The following CARD8 variants were observed in gnomAD, a reference collection of about 807,000 sequenced individuals.
CARD8 encodes the protein caspase recruitment domain-containing protein 8.
A neutral mutation model predicts 53.2 loss-of-function variants in CARD8; 38 were observed. The ratio of observed to expected loss-of-function variants is 0.71; its 90% confidence interval spans 0.55 to 0.94. The LOEUF (loss-of-function observed/expected upper bound fraction) is 0.94, where lower values mean the gene tolerates loss of function less well. CARD8 is among the 40% of genes least tolerant of loss of function. CARD8 has a pLI of 0.00. For synonymous variants in CARD8, 245 were observed against 244.9 expected, an observed-to-expected ratio of 1.00 and a Z score of 0.00; for missense variants, 561 against 655.5, an observed-to-expected ratio of 0.86 and a Z score of 1.57.
intron 13 of CARD8, 149 bp downstream of exon 13, chr19:48,215,191 G>C (rs1490772019): frequency 3.4e-6 from 2 of 591,808 alleles, no homozygotes; most frequent in Non-Finnish European, 6.2e-6. Flanking sequence ...GTCTTCTAAG[G>C]AGGCAAGAAT....
rs59334088 is a variant in CARD8 at position 48,230,606 on chromosome 19, A to G, written c.867T>C (p.Ala289=). The G allele has an allele frequency of 9.0e-3, 14,471 of 1,614,092 alleles. 732 individuals carry two copies. The African/African-American group carries it at 0.13, about 15-fold the overall frequency. The change falls in exon 10 of 14, where the codon GCT becomes GCC. Residue 289 remains alanine, a synonymous_variant. Coordinates refer to ENST00000651546, the MANE Select transcript of CARD8 (RefSeq NM_001184900.3). ...GAGAGAAGCTGGGGCTTTCCAGGAC[A>G]GCATAGAAAGGCTCCACCCGGGCTG... The part of the protein sequence containing the change: ...EHPARVEPFY[A]VLESPSFSLM...
chr19:48,254,980 T>C (rs376790290), intron 1 of CARD8, among the ~76,000 whole-genome samples: 1 of 152,180 alleles, frequency 6.6e-6, no homozygotes, highest in African/African-American at 2.4e-5. Flanking sequence ...CAATATGCAA[T>C]CCTCCCCATT....
chr19:48,229,881 G>A (rs2042512364), intron 10 of CARD8, among the ~76,000 whole-genome samples: 1 of 152,202 alleles, frequency 6.6e-6, no homozygotes, highest in South Asian at 2.1e-4. Flanking sequence ...GGGAGGCCAA[G>A]GCAGGTGGAT....
At chr19:48,232,964 C>T (rs2043183433) in intron 6 of CARD8, 13 of 365,890 alleles carry the variant, frequency 3.6e-5, no homozygotes, top group South Asian at 2.5e-4. Context: ...ATTGATTGCT[C>T]CGATTGGTAT....
At chr19:48,251,117 C>G (rs2046883129) in intron 1 of CARD8, among the ~76,000 whole-genome samples, 1 of 152,146 alleles carries the variant, frequency 6.6e-6, no homozygotes, top group Non-Finnish European at 1.5e-5. Context: ...TCAGGTATAG[C>G]ATGTCGTATT....
At chr19:48,227,635 T>C (rs2042045653) in intron 10 of CARD8, among the ~76,000 whole-genome samples, 1 of 151,878 alleles carries the variant, frequency 6.6e-6, no homozygotes, top group South Asian at 2.1e-4. Context: ...AAACCCCATC[T>C]CTATTAAAAA....
At chr19:48,248,906 T>C (rs1049589704) in intron 3 of CARD8, among the ~76,000 whole-genome samples, 1 of 152,160 alleles carries the variant, frequency 6.6e-6, no homozygotes, top group Non-Finnish European at 1.5e-5. Flanking sequence ...ATATTTAAAA[T>C]GTACTATTGG....
Position 48,221,801 on chromosome 19 carries a change from G to C in CARD8, c.1090C>G (p.Pro364Ala). ...GAACCAAAGTTCAGGGGTTCCATTG[G>C]GGGCGAAGTCTGCAGGCGCACACCA... ...FHGVRLQTSP[P>A]MEPLNFGSSY... The change falls in exon 11 of 14, where the codon CCA becomes GCA. Residue 364 changes from proline (P) to alanine (A), a missense_variant. Physicochemically the swap from Pro to Ala is conservative, Grantham distance 27. Coordinates refer to ENST00000651546, the MANE Select transcript of CARD8 (RefSeq NM_001184900.3). The C allele has an allele frequency of 1.2e-6, 2 of 1,610,246 alleles. No individual in the cohort carries two copies. Among genetic ancestry groups the C allele is most frequent in the Non-Finnish European group, 1.7e-6 (2 of 1,177,190 alleles).
chr19:48,233,632 A>G (rs1303711900), intron 6 of CARD8: 4 of 310,588 alleles, frequency 1.3e-5, no homozygotes, highest in Non-Finnish European at 2.5e-5. Flanking sequence ...CTGCCTGCTG[A>G]GGAGGGGTTT....
At chr19:48,204,244 CTG>C (rs766955485), downstream of CARD8, 6 of 453,640 alleles carry the variant, frequency 1.3e-5, no homozygotes, top group South Asian at 1.6e-5. Context: ...CACAGTAACC[CTG>C]GAGTGGAAGG....
At chr19:48,215,828 A>G (rs1384833468) in intron 12 of CARD8, among the ~76,000 whole-genome samples, 2 of 152,212 alleles carry the variant, frequency 1.3e-5, no homozygotes, top group African/African-American at 4.8e-5. Flanking sequence ...TGGAGCTACC[A>G]TTTTGGAAAA....
In CARD8 at chr19:48,234,507, A is replaced by G. The variant is rs2288876; in HGVS notation, c.246T>C (p.Leu82=). ...CTTGGAAAAAATGTGAGATGTCACA[A>G]AGGGTCTCAGAAACACAGGGTAGCT... ...YRELPCVSET[L]CDISHFFQED... The change falls in exon 6 of 14, where the codon CTT becomes CTC. Residue 82 remains leucine, a synonymous_variant. Coordinates refer to ENST00000651546, the MANE Select transcript of CARD8 (RefSeq NM_001184900.3). 513,131 of 1,613,032 alleles carry G rather than the reference A, an allele frequency of 0.32. 83,394 individuals carry two copies. Among genetic ancestry groups the G allele is most frequent in the Admixed American group, 0.41 (24,520 of 59,944 alleles).
intron 10 of CARD8, among the ~76,000 whole-genome samples, chr19:48,225,106 T>C (rs1030972350): frequency 2.0e-5 from 3 of 149,136 alleles, no homozygotes; most frequent in Non-Finnish European, 3.0e-5. Context: ...CTGCCCATGA[T>C]ATAGAGTACA....
intron 13 of CARD8, 105 bp from the exon 14 acceptor site, chr19:48,212,080 G>T (rs1394869194): frequency 1.9e-6 from 2 of 1,051,184 alleles, no homozygotes; most frequent in Non-Finnish European, 1.4e-6. Flanking sequence ...ATTGCTCCTT[G>T]TGTCTGTAGC....
chr19:48,229,932 G>A (rs2042521646), intron 10 of CARD8, among the ~76,000 whole-genome samples: 1 of 152,122 alleles, frequency 6.6e-6, no homozygotes, highest in Admixed American at 6.5e-5. Flanking sequence ...GGCCAACATG[G>A]TGAAACCCCG....
rs530022425 is a variant in CARD8, at chr19:48,213,530, C to T, written c.1349-1555G>A. Reference sequence around the variant, plus strand: ...CTGGGATCACAGGCATGTGCCACCACGCCCAGCTAGTTTTTGTATTTTTAG... The same window carrying T: ...CTGGGATCACAGGCATGTGCCACCATGCCCAGCTAGTTTTTGTATTTTTAG... On this transcript the variant is annotated intron_variant, in intron 13 of 13. Coordinates refer to ENST00000651546, the MANE Select transcript of CARD8 (RefSeq NM_001184900.3). Among the ~76,000 whole-genome samples, 164 of 152,218 alleles carry T rather than the reference C, an allele frequency of 1.1e-3. 1 individual carries two copies. Among genetic ancestry groups the T allele is most frequent in the Non-Finnish European group, 1.8e-3 (123 of 68,024 alleles).
At chr19:48,203,907 C>T (rs1259878176), downstream of CARD8, 1 of 290,534 alleles carries the variant, frequency 3.4e-6, no homozygotes, top group African/African-American at 2.3e-5. Flanking sequence ...AGCTACAACT[C>T]CCAGCCGGCT....
downstream of CARD8, among the ~76,000 whole-genome samples, chr19:48,205,080 G>GT (rs1397295360): frequency 6.6e-6 from 1 of 152,192 alleles, no homozygotes; most frequent in Non-Finnish European, 1.5e-5. Flanking sequence ...GTATTATAGA[G>GT]TAATTGGGTT....
At chr19:48,218,756 G>C in intron 12 of CARD8, 115 bp downstream of exon 12, 1 of 1,170,158 alleles carries the variant, frequency 8.5e-7, no homozygotes, top group South Asian at 1.4e-5. Flanking sequence ...ACTGACAATA[G>C]ATTTCTTTTC....
Sources: allele counts gnomAD v4.1 joint callset (sites outside exome capture counted in the v4.1 genomes callset), GRCh38; gene constraint gnomAD v4.1.1; transcripts MANE v1.5; gene names NCBI Gene and HGNC (gene_info 2026-07-23, HGNC 2026-07-21).